DLG2: variants seen among roughly 807,000 people sequenced by gnomAD.
DLG2 encodes the protein disks large homolog 2.
In DLG2, 45 loss-of-function variants were observed where a neutral mutation model predicts 132.5. That is an observed-to-expected ratio of 0.34 (90% CI 0.27 to 0.44). The LOEUF (loss-of-function observed/expected upper bound fraction) is 0.44. Among genes scored for constraint, DLG2 ranks in the 20% least tolerant of loss-of-function variants. DLG2 has a pLI of 1.00. For missense variants in DLG2, 1,045 were observed against 1,196.9 expected (o/e 0.87, Z 1.87); for synonymous variants, 424 against 419.6 (o/e 1.01, Z -0.13).
intron 6 of DLG2, among the ~76,000 whole-genome samples, chr11:84,999,417 G>A (rs2058002867): frequency 6.6e-6 from 1 of 151,956 alleles, no homozygotes; most frequent in Non-Finnish European, 1.5e-5. Context: ...GATATATCTG[G>A]CCTTATATAA....
At chr11:83,644,394 G>A (rs2067502603) in intron 18 of DLG2, among the ~76,000 whole-genome samples, 1 of 152,104 alleles carries the variant, frequency 6.6e-6, no homozygotes, top group Admixed American at 6.6e-5. Context: ...CAATTGAGGT[G>A]AAAGGAAGAA....
intron 14 of DLG2, among the ~76,000 whole-genome samples, chr11:83,944,854 G>A (rs1388341982): frequency 1.3e-5 from 2 of 152,182 alleles, no homozygotes; most frequent in Admixed American, 6.5e-5. Context: ...CAGCAGGGTG[G>A]TATACAGAAT....
chr11:83,695,460 T>C (rs935413958), intron 18 of DLG2, among the ~76,000 whole-genome samples: 1 of 152,148 alleles, frequency 6.6e-6, no homozygotes, highest in African/African-American at 2.4e-5. Flanking sequence ...AAAAGAGTCC[T>C]AGCTGGGTGC....
chr11:84,555,838 C>A (rs1458193712), intron 6 of DLG2, among the ~76,000 whole-genome samples: 3 of 152,164 alleles, frequency 2.0e-5, no homozygotes. Context: ...TTTTTAAAAG[C>A]TTACTCTAGC....
intron 15 of DLG2, among the ~76,000 whole-genome samples, chr11:83,893,150 T>G (rs1051606071): frequency 1.3e-5 from 2 of 152,332 alleles, no homozygotes; most frequent in South Asian, 4.1e-4. Flanking sequence ...ACCACCTTAA[T>G]GGAAACAATA....
chr11:85,450,730 C>T (rs1468335964), intron 3 of DLG2, among the ~76,000 whole-genome samples: 2 of 152,140 alleles, frequency 1.3e-5, no homozygotes, highest in Non-Finnish European at 2.9e-5. Flanking sequence ...AAAGATAAAA[C>T]TTAGCTATAA....
chr11:84,127,088 C>T (rs1465934684), intron 9 of DLG2, among the ~76,000 whole-genome samples: 1 of 152,090 alleles, frequency 6.6e-6, no homozygotes, highest in Non-Finnish European at 1.5e-5. Flanking sequence ...CCAAAGTAAA[C>T]AATTTTTGTA....
chr11:84,611,617 T>C (rs2099595760), intron 6 of DLG2, among the ~76,000 whole-genome samples: 1 of 152,106 alleles, frequency 6.6e-6, no homozygotes, highest in Non-Finnish European at 1.5e-5. Flanking sequence ...AGGAAACCAG[T>C]AATTAAAATC....
chr11:83,764,543 G>A (rs1026847947), intron 18 of DLG2, among the ~76,000 whole-genome samples: 1 of 152,160 alleles, frequency 6.6e-6, no homozygotes, highest in African/African-American at 2.4e-5. Context: ...CTTTCTGCCT[G>A]TCAACACTTG....
At chr11:84,001,796 A>G (rs1208831037) in intron 11 of DLG2, among the ~76,000 whole-genome samples, 1 of 152,190 alleles carries the variant, frequency 6.6e-6, no homozygotes, top group African/African-American at 2.4e-5. Context: ...AACTTTGGAA[A>G]CTATACAAGT....
At chr11:83,911,075 G>A (rs986432716) in intron 15 of DLG2, among the ~76,000 whole-genome samples, 2 of 152,092 alleles carry the variant, frequency 1.3e-5, no homozygotes, top group Non-Finnish European at 2.9e-5. Context: ...CACTCACAAA[G>A]GTAGAAGTGC....
intron 6 of DLG2, among the ~76,000 whole-genome samples, chr11:84,731,837 C>T (rs984141939): frequency 3.3e-5 from 5 of 151,990 alleles, no homozygotes; most frequent in South Asian, 4.1e-4. Flanking sequence ...TTTCAACATA[C>T]GTATACATCT....
chr11:85,354,354 T>TTA (rs1244006707), intron 3 of DLG2, among the ~76,000 whole-genome samples: 2 of 152,116 alleles, frequency 1.3e-5, no homozygotes, highest in Middle Eastern at 3.2e-3. Context: ...CTACATTTAT[T>TTA]TATATATATA....
chr11:84,671,021 G>A (rs2099705272), intron 6 of DLG2, among the ~76,000 whole-genome samples: 1 of 151,918 alleles, frequency 6.6e-6, no homozygotes, highest in Non-Finnish European at 1.5e-5. Flanking sequence ...TACCCTGTGG[G>A]GTAAGAAGAC....
intron 7 of DLG2, among the ~76,000 whole-genome samples, chr11:84,301,395 C>T (rs1012136405): frequency 2.6e-5 from 4 of 152,024 alleles, no homozygotes; most frequent in Non-Finnish European, 5.9e-5. Flanking sequence ...CGGTGGCTCA[C>T]GCCTGTAATC....
intron 6 of DLG2, among the ~76,000 whole-genome samples, chr11:84,613,620 C>A (rs1378636111): frequency 6.6e-6 from 1 of 152,126 alleles, no homozygotes; most frequent in Non-Finnish European, 1.5e-5. Context: ...CTTGTTATTG[C>A]CATAGTTGTT....
chr11:85,226,273 T>G (rs567772041), intron 4 of DLG2, among the ~76,000 whole-genome samples: 21 of 152,044 alleles, frequency 1.4e-4, no homozygotes, highest in African/African-American at 4.8e-4. Context: ...GATGGATGGA[T>G]GGATGCATAG....
At chr11:84,794,795 C>A (rs1291990335) in intron 6 of DLG2, among the ~76,000 whole-genome samples, 1 of 152,240 alleles carries the variant, frequency 6.6e-6, no homozygotes, top group African/African-American at 2.4e-5. Flanking sequence ...GACATGCCAG[C>A]CCCTGCTGAC....
intron 5 of DLG2, among the ~76,000 whole-genome samples, chr11:85,146,176 C>A (rs2076828238): frequency 1.3e-5 from 2 of 151,408 alleles, no homozygotes; most frequent in African/African-American, 4.9e-5. Context: ...GATTCTCTTC[C>A]CTCACTTCTC....
Sources: allele counts gnomAD v4.1 joint callset (sites outside exome capture counted in the v4.1 genomes callset), GRCh38; gene constraint gnomAD v4.1.1; transcripts MANE v1.5; gene names NCBI Gene and HGNC (gene_info 2026-07-23, HGNC 2026-07-21).